The following GVQW3 variants were observed in gnomAD, a reference collection of about 807,000 sequenced individuals.
GVQW3 encodes GVQW motif containing 3.
GVQW3 carries 7 observed loss-of-function variants against 12.5 expected under a neutral mutation model. The observed-to-expected ratio is 0.56, with a 90% CI of 0.32 to 1.05. The LOEUF is 1.05. GVQW3 is among the 50% of genes least tolerant of loss of function. The probability of loss-of-function intolerance (pLI) is 0.04; values close to 1 mark genes in which losing one functional copy is unlikely to be tolerated. For synonymous variants in GVQW3, 71 were observed against 67.2 expected, an observed-to-expected ratio of 1.06 and a Z score of -0.28; for missense variants, 188 against 190.8, an observed-to-expected ratio of 0.99 and a Z score of 0.09.
chr11:76,385,938 C>T (rs1946829388), intron 1 of GVQW3, among the ~76,000 whole-genome samples: 1 of 152,332 alleles, frequency 6.6e-6, no homozygotes, highest in African/African-American at 2.4e-5. Flanking sequence ...AGCCCATTCT[C>T]CTAGCAACTG....
chr11:76,413,071 A>C (rs1947092350), downstream of GVQW3: 1 of 152,218 alleles, frequency 6.6e-6, no homozygotes, highest in African/African-American at 2.4e-5. Context: ...CAGTGTTAAG[A>C]ACGGAAACTT....
chr11:76,385,739 TAAAG>T lies in GVQW3; in HGVS notation c.465+3449_465+3452del, dbSNP rs113614571. On this transcript the variant is annotated intron_variant, in intron 1 of 1. Transcript: ENST00000529331. Reference sequence around the variant, plus strand: ...CTGGCCCCAGGTTGCCTTCCTATCTTAAAGAAGCAGGGTGGGGTGACATGGGGGA... The same window carrying T: ...CTGGCCCCAGGTTGCCTTCCTATCTTAAGCAGGGTGGGGTGACATGGGGGA... 2.7e-3 allele frequency among the ~76,000 whole-genome samples: 417 copies of T among 152,266 alleles called. 1 individual carries two copies. Among genetic ancestry groups the T allele is most frequent in the African/African-American group, 9.7e-3 (402 of 41,556 alleles).
intron 1 of GVQW3, among the ~76,000 whole-genome samples, chr11:76,402,004 T>A (rs1403071199): frequency 2.6e-5 from 4 of 152,148 alleles, no homozygotes; most frequent in African/African-American, 9.7e-5. Flanking sequence ...CTCCTTTTCA[T>A]GGAAGAAGCC....
chr11:76,381,564 C>T lies in GVQW3; in HGVS notation c.-265C>T, dbSNP rs1263828791. The T allele has an allele frequency of 1.3e-5, 5 of 385,114 alleles. No individual in the cohort carries two copies. The highest frequency in any genetic ancestry group is 2.3e-5 in the Non-Finnish European group (5 of 214,254). 23.9% of individuals were successfully genotyped at this position (385,114 alleles called of 1,614,324 possible). A position where few individuals can be genotyped will look rare whatever the true frequency, so the allele number is the denominator to read the frequency against. The stretch of plus-strand genomic sequence containing the variant: ...GGCAAACTCTCGGCAGATGTGCGTG[C>T]ACTGGTTTGATGCAGACGTGGTTGT... On this transcript the variant is annotated 5_prime_UTR_variant, in exon 1 of 2. Coordinates refer to ENST00000529331, the MANE Select transcript of GVQW3 (RefSeq NM_001347885.2).
chr11:76,385,579 C>T (rs1320242806), intron 1 of GVQW3, among the ~76,000 whole-genome samples: 3 of 152,186 alleles, frequency 2.0e-5, no homozygotes, highest in East Asian at 3.8e-4. Flanking sequence ...CTTTTGGTCA[C>T]TTTGGTGTGC....
chr11:76,414,631 A>G (rs866860505), downstream of GVQW3: 1 of 147,756 alleles, frequency 6.8e-6, no homozygotes, highest in South Asian at 2.2e-4. Flanking sequence ...AAAAAAAAAA[A>G]AAAAAAAGAG....
intron 1 of GVQW3, chr11:76,383,551 T>C: frequency 6.6e-6 from 1 of 152,262 alleles, no homozygotes; most frequent in Non-Finnish European, 1.5e-5. Flanking sequence ...GAGACTGAGG[T>C]GGGTGGATCA....
chr11:76,400,006 TACACACACACACAC>T lies in GVQW3; in HGVS notation c.466-3623_466-3610del, dbSNP rs60192043. Among the ~76,000 whole-genome samples, 235 of 140,464 alleles carry T rather than the reference TACACACACACACAC, an allele frequency of 1.7e-3. 2 individuals carry two copies. Among genetic ancestry groups the T allele is most frequent in the South Asian group, 0.013 (54 of 4,178 alleles). 92.1% of individuals were successfully genotyped at this position (140,464 alleles called of 152,430 possible). A position where few individuals can be genotyped will look rare whatever the true frequency, so the allele number is the denominator to read the frequency against. On this transcript the variant is annotated intron_variant, in intron 1 of 1. Transcript: ENST00000529331. Reference sequence around the variant, plus strand: ...TATAATAAATCTCTCTCTCTCTGTATACACACACACACACACACACACACACACACACACACACA... The same window carrying T: ...TATAATAAATCTCTCTCTCTCTGTATACACACACACACACACACACACACA...
chr11:76,400,276 C>G (rs1387451490), intron 1 of GVQW3, among the ~76,000 whole-genome samples: 1 of 151,880 alleles, frequency 6.6e-6, no homozygotes, highest in East Asian at 1.9e-4. Context: ...CCACACCCAG[C>G]TAATTTTTGT....
chr11:76,382,314 G>A, intron 1 of GVQW3, 21 bp downstream of exon 1: 1 of 1,422,214 alleles, frequency 7.0e-7, no homozygotes. Context: ...CTGAAACATG[G>A]AGTTATCTCC....
At chr11:76,401,773 C>CAAAAAA (rs5792720) in intron 1 of GVQW3, among the ~76,000 whole-genome samples, 2 of 88,908 alleles carry the variant, frequency 2.2e-5, no homozygotes, top group Middle Eastern at 6.3e-3. Context: ...AACTCTGTCT[C>CAAAAAA]AAAAAAAAAA....
chr11:76,382,035 C>T lies in GVQW3; in HGVS notation c.207C>T (p.His69=). 6.5e-7 allele frequency: 1 copy of T among 1,536,498 alleles called. No homozygotes were observed. The highest frequency in any genetic ancestry group is 2.0e-5 in the Admixed American group (1 of 51,002). ...CCCGAAGTGGGCGTCCAGTCACCCACCGAACAGATGACAATATCCAGAAGG... is the reference window on the plus strand; with the variant it reads ...CCCGAAGTGGGCGTCCAGTCACCCATCGAACAGATGACAATATCCAGAAGG... ...DDARSGRPVT[H]RTDDNIQKVK... Residue 69 remains histidine (H), a synonymous_variant, in exon 1 of 2, where the codon CAC becomes CAT. Coordinates refer to ENST00000529331, the MANE Select transcript of GVQW3 (RefSeq NM_001347885.2).
At chr11:76,398,549 G>C (rs1946960413) in intron 1 of GVQW3, among the ~76,000 whole-genome samples, 1 of 152,142 alleles carries the variant, frequency 6.6e-6, no homozygotes, top group Admixed American at 6.5e-5. Flanking sequence ...CTGAGCTCAG[G>C]TGATCCGCCT....
At chr11:76,386,076 G>T (rs999844724) in intron 1 of GVQW3, among the ~76,000 whole-genome samples, 2 of 152,188 alleles carry the variant, frequency 1.3e-5, no homozygotes, top group Middle Eastern at 3.2e-3. Flanking sequence ...CAATGACTCC[G>T]TTTGGCTTTC....
intron 1 of GVQW3, among the ~76,000 whole-genome samples, chr11:76,399,452 C>G (rs1367363596): frequency 6.6e-6 from 1 of 152,130 alleles, no homozygotes; most frequent in East Asian, 1.9e-4. Flanking sequence ...TGTTTATTTG[C>G]TGTCTTCGTA....
exon 2 of GVQW3, chr11:76,414,072 A>T (rs7941790): frequency 0.27 from 41,215 of 151,792 alleles, 5,901 homozygotes; most frequent in Non-Finnish European, 0.32. Flanking sequence ...CTGGTCACAA[A>T]CTTCTGTCTC....
chr11:76,382,220 A>G lies in GVQW3; in HGVS notation c.392A>G (p.Lys131Arg), dbSNP rs776707637. Reference protein sequence around the residue: ...VISGVLKGEPKPRKLDFRSDL... With the variant: ...VISGVLKGEPRPRKLDFRSDL... ...TCGGGTGTTTTGAAGGGTGAGCCTA[A>G]ACCACGAAAACTTGACTTTCGGTCC... The change falls in exon 1 of 2, where the codon AAA becomes AGA. Residue 131 changes from lysine (K) to arginine (R), a missense_variant. Lys to Arg is a conservative substitution (Grantham distance 26, BLOSUM62 2). Coordinates refer to ENST00000529331, the MANE Select transcript of GVQW3 (RefSeq NM_001347885.2). 1 of 1,536,144 alleles carries G rather than the reference A, an allele frequency of 6.5e-7. No individual in the cohort carries two copies. The highest frequency in any genetic ancestry group is 1.2e-5 in the South Asian group (1 of 84,066).
Position 76,382,001 on chromosome 11 carries a change from G to A in GVQW3, c.173G>A (p.Arg58Gln), listed in dbSNP as rs1408625473. 1 of 1,536,428 alleles carries A rather than the reference G, an allele frequency of 6.5e-7. No individual in the cohort carries two copies. Among genetic ancestry groups the A allele is most frequent in the Non-Finnish European group, 8.7e-7 (1 of 1,146,978 alleles). The stretch of plus-strand genomic sequence containing the variant: ...TTTAAAGAAGGACGGGAAGATGTTC[G>A]AGATGATGCCCGAAGTGGGCGTCCA... ...KRFKEGREDV[R>Q]DDARSGRPVT... is the part of the protein sequence containing the mutation. Residue 58 changes from arginine to glutamine, a missense_variant, in exon 1 of 2, where the codon CGA (arginine) becomes CAA (glutamine). Physicochemically the swap from Arg to Gln is conservative, Grantham distance 43. Coordinates refer to ENST00000529331, the MANE Select transcript of GVQW3 (RefSeq NM_001347885.2).
Position 76,405,612 on chromosome 11 carries a change from C to T in GVQW3, c.*1854C>T, listed in dbSNP as rs1344102343. The T allele has an allele frequency of 6.6e-6, 1 of 152,470 alleles. No individual in the cohort carries two copies. Among genetic ancestry groups the T allele is most frequent in the Non-Finnish European group, 1.5e-5 (1 of 68,316 alleles). The allele number at this position is 152,470 out of a possible 1,614,324, so 9.4% of individuals were successfully genotyped here. Reference sequence around the variant, plus strand: ...GTTCCACCCTCCCCTTCAACTGCCCCTCTAAAGTCTTGTCTTGGAGTCACA... The same window carrying T: ...GTTCCACCCTCCCCTTCAACTGCCCTTCTAAAGTCTTGTCTTGGAGTCACA... On this transcript the variant is annotated 3_prime_UTR_variant, in exon 2 of 2. Coordinates refer to ENST00000529331, the MANE Select transcript of GVQW3 (RefSeq NM_001347885.2).
Sources: gnomAD v4.1 joint callset for allele counts (sites outside exome capture counted in the v4.1 genomes callset) on GRCh38, gnomAD v4.1.1 for gene constraint, MANE v1.5 for transcripts, NCBI Gene and HGNC (gene_info 2026-07-23, HGNC 2026-07-21) for gene names.